Variants in FRAS1 observed in about 807,000 individuals in gnomAD.
FRAS1 encodes extracellular matrix organizing protein FRAS1.
Under a neutral mutation model 435.2 loss-of-function variants are expected in FRAS1, and 290 were observed. The ratio of observed to expected loss-of-function variants is 0.67; its 90% CI spans 0.61 to 0.73. The LOEUF is 0.73. FRAS1 is among the 30% of genes least tolerant of loss of function. The pLI, the probability that FRAS1 is intolerant of heterozygous loss-of-function variation, is 0.00. For synonymous variants in FRAS1, 1,800 were observed against 1,851.0 expected, an observed-to-expected ratio of 0.97 and a Z score of 0.71; for missense variants, 4,860 against 5,001.5, an observed-to-expected ratio of 0.97 and a Z score of 0.85.
chr4:78,153,388 C>T lies in FRAS1; in HGVS notation c.109-84122C>T, dbSNP rs920106523. ...CTGTGGAATTGAATTGAAATTTGTA[C>T]ACCTTCTGAAACTAACAAGATTTTA... On this transcript the variant is annotated intron_variant, in intron 2 of 73. Coordinates refer to ENST00000512123, the MANE Select transcript of FRAS1 (RefSeq NM_025074.7). Among the ~76,000 whole-genome samples the T allele has an allele frequency of 2.6e-5, 4 of 152,276 alleles. No individual in the cohort carries two copies. In the East Asian group the frequency reaches 5.8e-4, roughly 22 times the overall value.
chr4:78,389,224 A>G (rs1732349652), intron 29 of FRAS1, among the ~76,000 whole-genome samples: 1 of 152,230 alleles, frequency 6.6e-6, no homozygotes, highest in South Asian at 2.1e-4. Flanking sequence ...GCTCTTTCTC[A>G]TGGTAGTAGA....
At chr4:78,456,303 T>A (rs1269316753) in intron 47 of FRAS1, among the ~76,000 whole-genome samples, 1 of 151,954 alleles carries the variant, frequency 6.6e-6, no homozygotes, top group Non-Finnish European at 1.5e-5. Flanking sequence ...CCCCCACACC[T>A]GGCTCAATTT....
chr4:78,387,127 C>G (rs17003190), intron 28 of FRAS1, among the ~76,000 whole-genome samples: 2,661 of 152,200 alleles, frequency 0.017, 96 homozygotes, highest in African/African-American at 0.06. Context: ...CAGCTCTCAC[C>G]AGTTGTCTCT....
intron 24 of FRAS1, among the ~76,000 whole-genome samples, chr4:78,373,190 T>C (rs570718875): frequency 2.6e-5 from 4 of 152,008 alleles, no homozygotes; most frequent in African/African-American, 9.7e-5. Context: ...CCCTGGGCAT[T>C]TGGGCACATA....
chr4:78,274,059 A>G (rs1056175602), intron 9 of FRAS1, among the ~76,000 whole-genome samples: 23 of 152,228 alleles, frequency 1.5e-4, no homozygotes, highest in African/African-American at 5.5e-4. Flanking sequence ...GTATGTGTCC[A>G]GGAATTTATC....
chr4:78,113,525 T>A (rs1007242601), intron 2 of FRAS1, among the ~76,000 whole-genome samples: 6 of 152,188 alleles, frequency 3.9e-5, no homozygotes, highest in Non-Finnish European at 8.8e-5. Flanking sequence ...CCATTCTAAC[T>A]GGTGTGAGAT....
intron 32 of FRAS1, among the ~76,000 whole-genome samples, chr4:78,418,429 C>G (rs2110367089): frequency 6.6e-6 from 1 of 152,268 alleles, no homozygotes; most frequent in African/African-American, 2.4e-5. Context: ...ACTTCAATAT[C>G]TCAGCTGAGT....
intron 70 of FRAS1, among the ~76,000 whole-genome samples, chr4:78,531,588 G>A (rs1225029389): frequency 1.3e-5 from 2 of 151,876 alleles, no homozygotes; most frequent in Admixed American, 6.6e-5. Flanking sequence ...TCTTCCTCTC[G>A]CCTATTTTAT....
In FRAS1 at chr4:78,448,131, A is replaced by T. The variant is rs1371056142; in HGVS notation, c.6089A>T (p.Tyr2030Phe). Residue 2030 changes from tyrosine (Y) to phenylalanine (F), a missense_variant, in exon 44 of 74, where the codon TAC becomes TTC. Coordinates refer to ENST00000512123, the MANE Select transcript of FRAS1 (RefSeq NM_025074.7). ...TTAGTCCAGGGCTCAACCTTCACCT[A>T]CCAGGATATCCTAGCTGGGCTGGTT... ...RVLVQGSTFT[Y>F]QDILAGLVGY... is the part of the protein sequence containing the mutation. 6.2e-7 allele frequency: 1 copy of T among 1,613,636 alleles called. No homozygotes were observed. The highest frequency in any genetic ancestry group is 1.3e-5 in the African/African-American group (1 of 75,006).
intron 2 of FRAS1, among the ~76,000 whole-genome samples, chr4:78,200,011 T>C (rs1486157739): frequency 6.6e-6 from 1 of 152,188 alleles, no homozygotes; most frequent in African/African-American, 2.4e-5. Context: ...CAAAAATAGT[T>C]CCCTGCCTTT....
At chr4:78,074,978 C>A (rs1304054353) in intron 2 of FRAS1, among the ~76,000 whole-genome samples, 2 of 152,110 alleles carry the variant, frequency 1.3e-5, no homozygotes. Context: ...CTTTCCCATG[C>A]AGAAGGGCTG....
At chr4:78,380,571 G>A (rs1157638338) in intron 27 of FRAS1, among the ~76,000 whole-genome samples, 3 of 152,194 alleles carry the variant, frequency 2.0e-5, no homozygotes, top group Non-Finnish European at 4.4e-5. Flanking sequence ...GCAGTTGAAT[G>A]TTAACACCAA....
At chr4:78,125,980 C>T (rs548725271) in intron 2 of FRAS1, among the ~76,000 whole-genome samples, 1 of 152,296 alleles carries the variant, frequency 6.6e-6, no homozygotes, top group Admixed American at 6.5e-5. Context: ...TATGCCCTGC[C>T]CCCAGAGGTG....
intron 28 of FRAS1, among the ~76,000 whole-genome samples, chr4:78,385,883 T>TAAA: frequency 8.9e-6 from 1 of 111,864 alleles, no homozygotes; most frequent in African/African-American, 3.3e-5. Flanking sequence ...AGACTCTGTC[T>TAAA]AAAAAAAAAA....
chr4:78,462,622 A>AG (rs1278297608), intron 47 of FRAS1, among the ~76,000 whole-genome samples: 1 of 152,188 alleles, frequency 6.6e-6, no homozygotes, highest in Non-Finnish European at 1.5e-5. Context: ...GATTCACAGC[A>AG]GGGGGAAGAG....
chr4:78,419,100 A>G (rs939011855), intron 33 of FRAS1, 37 bp downstream of exon 33: 2 of 1,189,854 alleles, frequency 1.7e-6, no homozygotes, highest in Non-Finnish European at 2.4e-6. Flanking sequence ...GAGTGATATT[A>G]TTATCTTCTA....
At chr4:78,311,860 A>T (rs995066878) in intron 15 of FRAS1, among the ~76,000 whole-genome samples, 7 of 152,030 alleles carry the variant, frequency 4.6e-5, no homozygotes, top group African/African-American at 1.7e-4. Context: ...TATTCTATAG[A>T]TTTCTTTTTA....
At chr4:78,152,834 T>C (rs1485047466) in intron 2 of FRAS1, among the ~76,000 whole-genome samples, 2 of 152,104 alleles carry the variant, frequency 1.3e-5, no homozygotes, top group Non-Finnish European at 2.9e-5. Context: ...CAGTAATGTA[T>C]TGCATATGAT....
At chr4:78,401,365 T>G (rs1036247233) in intron 30 of FRAS1, among the ~76,000 whole-genome samples, 3 of 152,212 alleles carry the variant, frequency 2.0e-5, no homozygotes, top group African/African-American at 7.2e-5. Flanking sequence ...CTGAGAAATT[T>G]CCCATTATCA....
Sources: gnomAD v4.1 joint callset for allele counts (sites outside exome capture counted in the v4.1 genomes callset) on GRCh38, gnomAD v4.1.1 for gene constraint, MANE v1.5 for transcripts, NCBI Gene and HGNC (gene_info 2026-07-23, HGNC 2026-07-21) for gene names.